Variants in PTPRT observed in about 807,000 individuals in gnomAD.
PTPRT encodes the protein receptor-type tyrosine-protein phosphatase T.
Under a neutral mutation model 176.8 loss-of-function variants are expected in PTPRT, and 56 were observed. The ratio of observed to expected loss-of-function variants is 0.32; its 90% CI spans 0.26 to 0.40. PTPRT has a LOEUF of 0.40. Among genes scored for constraint, PTPRT ranks in the 10% least tolerant of loss-of-function variants. PTPRT has a pLI of 1.00. For synonymous variants in PTPRT, 783 were observed against 739.0 expected (o/e 1.06, Z -0.96); for missense variants, 1,540 against 1,908.2 (o/e 0.81, Z 3.60).
intron 9 of PTPRT, among the ~76,000 whole-genome samples, chr20:42,397,240 A>AT (rs1307194656): frequency 1.3e-5 from 2 of 152,228 alleles, no homozygotes; most frequent in South Asian, 2.1e-4. Flanking sequence ...GTTATAAACA[A>AT]TTTTTTGTTT....
At chr20:42,170,505 G>A (rs377630359) in intron 16 of PTPRT, among the ~76,000 whole-genome samples, 3 of 152,294 alleles carry the variant, frequency 2.0e-5, no homozygotes, top group East Asian at 3.9e-4. Flanking sequence ...TTTACTGGGT[G>A]AGGTAAGAAA....
chr20:42,317,920 T>A (rs2057744153), intron 11 of PTPRT, among the ~76,000 whole-genome samples: 1 of 152,104 alleles, frequency 6.6e-6, no homozygotes, highest in Non-Finnish European at 1.5e-5. Context: ...TGCATGTGAG[T>A]GACATGCGAG....
intron 12 of PTPRT, among the ~76,000 whole-genome samples, chr20:42,288,726 A>T (rs1397797907): frequency 6.6e-6 from 1 of 151,948 alleles, no homozygotes; most frequent in Non-Finnish European, 1.5e-5. Flanking sequence ...ATAGTATTCC[A>T]TGGAGTATAT....
chr20:42,615,315 A>G (rs1472874911), intron 7 of PTPRT, among the ~76,000 whole-genome samples: 2 of 126,234 alleles, frequency 1.6e-5, no homozygotes, highest in African/African-American at 7.6e-5. Flanking sequence ...ATGTGCCACA[A>G]TTTCTTAATC....
intron 1 of PTPRT, among the ~76,000 whole-genome samples, chr20:43,020,748 A>G (rs759865102): frequency 1.3e-5 from 2 of 152,206 alleles, no homozygotes; most frequent in Non-Finnish European, 2.9e-5. Context: ...TCAAGGCCCC[A>G]TGACATATTC....
At position 42,315,770 on chromosome 20, in the gene PTPRT, G is replaced by T. The variant is rs777227473; in HGVS notation, c.2092C>A (p.Leu698Met). 2 of 1,614,112 alleles carry T rather than the reference G, an allele frequency of 1.2e-6. No individual in the cohort carries two copies. The highest frequency in any genetic ancestry group is 1.7e-6 in the Non-Finnish European group (2 of 1,179,994). The change falls in exon 12 of 31, where the codon CTG (leucine) becomes ATG (methionine). Residue 698 changes from leucine to methionine, a missense_variant. Around this residue, in one of 11 missense-constraint regions of PTPRT, gnomAD observed 255 missense variants for 250.1 expected, o/e 1.02. Transcript: ENST00000373187. ...NGYWNPPLSP[L>M]KSYSIYFQAL... ...TGGAAGTAGATGCTGTAGCTTTTCAGGGGAGAGAGAGGAGGGTTCCAGTAG... is the reference window on the plus strand; with the variant it reads ...TGGAAGTAGATGCTGTAGCTTTTCATGGGAGAGAGAGGAGGGTTCCAGTAG...
At position 42,604,859 on chromosome 20, in the gene PTPRT, C is replaced by A. The variant is rs570889861; in HGVS notation, c.1153+73007G>T. Among the ~76,000 whole-genome samples the A allele has an allele frequency of 1.9e-4, 29 of 152,316 alleles. 1 individual carries two copies. In the South Asian group the frequency reaches 5.6e-3, roughly 29 times the overall value. ...TCATGAAACATGATAGGGGCCTGCC[C>A]AGTTGACCCAGGCCCCCCTTGAGGC... is the stretch of plus-strand genomic sequence containing the variant. On this transcript the variant is annotated intron_variant, in intron 7 of 30. Coordinates refer to ENST00000373187, the MANE Select transcript of PTPRT (RefSeq NM_007050.6).
chr20:42,827,506 T>C (rs924024401), intron 2 of PTPRT, among the ~76,000 whole-genome samples: 3 of 152,174 alleles, frequency 2.0e-5, no homozygotes, highest in Non-Finnish European at 4.4e-5. Flanking sequence ...TTGAAACTAA[T>C]GAGAACAAAG....
intron 6 of PTPRT, among the ~76,000 whole-genome samples, chr20:42,707,315 TA>T (rs1395060272): frequency 6.6e-6 from 1 of 152,182 alleles, no homozygotes; most frequent in Admixed American, 6.5e-5. Context: ...ACGGGCCCTG[TA>T]TAATCCTTGG....
intron 1 of PTPRT, among the ~76,000 whole-genome samples, chr20:42,941,542 A>G (rs1245956025): frequency 6.6e-6 from 1 of 152,114 alleles, no homozygotes; most frequent in East Asian, 1.9e-4. Flanking sequence ...TTCATTCACA[A>G]ATAGTCCTTC....
rs1207142253 is a variant in PTPRT at position 42,616,174 on chromosome 20, G to A, written c.1153+61692C>T. The stretch of plus-strand genomic sequence containing the variant: ...TACATATGGCTAGCCAGTTTTCCCA[G>A]CACCATTTATTAAATAGGGAATCCT... On this transcript the variant is annotated intron_variant, in intron 7 of 30. Coordinates refer to ENST00000373187, the MANE Select transcript of PTPRT (RefSeq NM_007050.6). 2.5e-3 allele frequency among the ~76,000 whole-genome samples: 316 copies of A among 124,344 alleles called. 59 individuals are homozygous for A. Among genetic ancestry groups the A allele is most frequent in the African/African-American group, 0.01 (261 of 25,280 alleles). The allele number at this position is 124,344 out of a possible 152,430, so 81.6% of individuals were successfully genotyped here.
At chr20:42,151,621 T>C (rs184216101) in intron 17 of PTPRT, among the ~76,000 whole-genome samples, 1 of 152,220 alleles carries the variant, frequency 6.6e-6, no homozygotes, top group Non-Finnish European at 1.5e-5. Flanking sequence ...TGTGCATATG[T>C]CTTTATAGTA....
intron 1 of PTPRT, among the ~76,000 whole-genome samples, chr20:43,038,959 T>A (rs1002868959): frequency 6.6e-6 from 1 of 152,208 alleles, no homozygotes; most frequent in African/African-American, 2.4e-5. Context: ...CCAGGAGGTA[T>A]GTTGTACTTA....
At position 42,074,301 on chromosome 20, in the gene PTPRT, C is replaced by T. The variant is rs760927094; in HGVS notation, c.*6578G>A. On this transcript the variant is annotated 3_prime_UTR_variant, in exon 31 of 31. Transcript: ENST00000373187. Reference sequence around the variant, plus strand: ...ATTTGTATTCATAAGCCCAAAGGCACTGAAGTAATTGTACAGAGACTCAAT... The same window carrying T: ...ATTTGTATTCATAAGCCCAAAGGCATTGAAGTAATTGTACAGAGACTCAAT... The T allele has an allele frequency of 8.7e-6, 2 of 230,932 alleles. No individual in the cohort carries two copies. The highest frequency in any genetic ancestry group is 1.7e-5 in the Non-Finnish European group (2 of 116,740). The allele number at this position is 230,932 out of a possible 1,614,324, so 14.3% of individuals were successfully genotyped here. A position where few individuals can be genotyped will look rare whatever the true frequency, so the allele number is the denominator to read the frequency against.
intron 7 of PTPRT, among the ~76,000 whole-genome samples, chr20:42,624,398 T>C (rs1186500825): frequency 6.6e-6 from 1 of 152,212 alleles, no homozygotes; most frequent in Non-Finnish European, 1.5e-5. Flanking sequence ...AGAATTCCTT[T>C]ATCAGGAACA....
At chr20:42,400,397 T>C (rs1048229417) in intron 9 of PTPRT, among the ~76,000 whole-genome samples, 1 of 152,026 alleles carries the variant, frequency 6.6e-6, no homozygotes, top group Non-Finnish European at 1.5e-5. Flanking sequence ...GATGAGTCTG[T>C]TATAATTTCT....
chr20:42,694,412 G>T (rs1402097543), intron 6 of PTPRT, among the ~76,000 whole-genome samples: 2 of 152,058 alleles, frequency 1.3e-5, no homozygotes, highest in South Asian at 4.1e-4. Context: ...TATACATATG[G>T]GTCTATTGTT....
At chr20:42,732,228 A>G (rs1402816280) in intron 6 of PTPRT, among the ~76,000 whole-genome samples, 2 of 152,230 alleles carry the variant, frequency 1.3e-5, no homozygotes, top group African/African-American at 4.8e-5. Flanking sequence ...TTTGATAGCC[A>G]TAAGTGGCTA....
At chr20:42,562,709 TCAG>T (rs1312635744) in intron 7 of PTPRT, among the ~76,000 whole-genome samples, 1 of 152,164 alleles carries the variant, frequency 6.6e-6, no homozygotes, top group Non-Finnish European at 1.5e-5. Flanking sequence ...CACCTGAGGC[TCAG>T]CAGGTTCTAC....
Sources: gnomAD v4.1 joint callset for allele counts (sites outside exome capture counted in the v4.1 genomes callset) on GRCh38, gnomAD v4.1.1 for gene constraint, gnomAD v4.1.1 regional missense constraint, MANE v1.5 for transcripts, NCBI Gene and HGNC (gene_info 2026-07-23, HGNC 2026-07-21) for gene names.